The following SLC43A2 variants were observed in gnomAD, a reference collection of about 807,000 sequenced individuals.
The protein encoded by SLC43A2 is solute carrier family 43 member 2, also known as large neutral amino acids transporter small subunit 4.
In SLC43A2, 38 loss-of-function variants were observed where a neutral mutation model predicts 63.2. That is an observed-to-expected ratio of 0.60 (90% CI 0.46 to 0.79). The LOEUF is 0.79. SLC43A2 is among the 30% of genes least tolerant of loss of function. The probability of loss-of-function intolerance (pLI) is 0.00; values close to 1 mark genes in which losing one functional copy is unlikely to be tolerated. For missense variants in SLC43A2, 644 were observed against 756.2 expected (o/e 0.85, Z 1.74); for synonymous variants, 322 against 331.0 (o/e 0.97, Z 0.30).
intron 5 of SLC43A2, among the ~76,000 whole-genome samples, chr17:1,611,543 G>A (rs1254178165): frequency 1.3e-5 from 2 of 151,560 alleles, no homozygotes; most frequent in South Asian, 2.1e-4. Flanking sequence ...GCTGAGGTAG[G>A]AGAATTGCCT....
At chr17:1,617,742 T>C (rs1159898068) in intron 2 of SLC43A2, among the ~76,000 whole-genome samples, 1 of 152,168 alleles carries the variant, frequency 6.6e-6, no homozygotes, top group Non-Finnish European at 1.5e-5. Context: ...TGCCATCCCG[T>C]GGCCATGCCT....
intron 2 of SLC43A2, among the ~76,000 whole-genome samples, chr17:1,624,648 T>C (rs2151083809): frequency 6.6e-6 from 1 of 152,220 alleles, no homozygotes; most frequent in Admixed American, 6.5e-5. Flanking sequence ...CCCAGCACTT[T>C]GGAAGGCTGA....
intron 5 of SLC43A2, among the ~76,000 whole-genome samples, chr17:1,600,154 T>TATATATATATA (rs1567630909): frequency 1.3e-3 from 37 of 28,982 alleles, no homozygotes; most frequent in African/African-American, 3.3e-3. Context: ...ATATATATAT[T>TATATATATATA]TTTTTTTTTT....
chr17:1,608,037 T>C (rs1211702711), intron 5 of SLC43A2, among the ~76,000 whole-genome samples: 1 of 152,096 alleles, frequency 6.6e-6, no homozygotes, highest in Admixed American at 6.6e-5. Flanking sequence ...CCTTTTGGGC[T>C]TTACAAGCCA....
chr17:1,586,948 C>T (rs1228758786), intron 9 of SLC43A2: 1 of 1,498,162 alleles, frequency 6.7e-7, no homozygotes, highest in Non-Finnish European at 9.0e-7. Flanking sequence ...CCCCCGCTTA[C>T]CCGTGGCCAT....
At chr17:1,594,946 C>A (rs1237806011) in intron 5 of SLC43A2, among the ~76,000 whole-genome samples, 2 of 151,914 alleles carry the variant, frequency 1.3e-5, no homozygotes, top group Non-Finnish European at 2.9e-5. Context: ...GCCTGCAATC[C>A]CAGAGTGCTG....
In SLC43A2 at chr17:1,570,653, A is replaced by C. The variant is rs985010753; in HGVS notation, c.*4951T>G. 6.7e-6 allele frequency: 1 copy of C among 149,996 alleles called. No homozygotes were observed. The highest frequency in any genetic ancestry group is 2.5e-5 in the African/African-American group (1 of 40,586). The allele number at this position is 149,996 out of a possible 1,614,324, so 9.3% of individuals were successfully genotyped here. On this transcript the variant is annotated 3_prime_UTR_variant, in exon 14 of 14. Coordinates refer to ENST00000301335, the MANE Select transcript of SLC43A2 (RefSeq NM_152346.3). ...AGGCGCCCGCCACTACGCCCGGCTA[A>C]TTTTTTGTATTTTTAGTAGAGACGG... is the stretch of plus-strand genomic sequence containing the variant.
In SLC43A2 at chr17:1,575,705, A is replaced by C. The variant is rs757739898; in HGVS notation, c.1609T>G (p.Cys537Gly). Residue 537 changes from cysteine (C) to glycine (G), a missense_variant, in exon 14 of 14, where the codon TGC becomes GGC. This residue lies in a region of SLC43A2 where 105 missense variants were observed against 101.7 expected (regional missense o/e 1.03). Coordinates refer to ENST00000301335, the MANE Select transcript of SLC43A2 (RefSeq NM_152346.3). ...TGCCGCTCCAGCTGGCGCCGGTAGCAGATCAGGTAGAGCGGGAGGCAGAAG... is the reference window on the plus strand; with the variant it reads ...TGCCGCTCCAGCTGGCGCCGGTAGCCGATCAGGTAGAGCGGGAGGCAGAAG... ...LGFCLPLYLI[C>G]YRRQLERQLQ... 6.2e-7 allele frequency: 1 copy of C among 1,614,014 alleles called. No individual in the cohort carries two copies. Among genetic ancestry groups the C allele is most frequent in the Non-Finnish European group, 8.5e-7 (1 of 1,180,004 alleles).
intron 13 of SLC43A2, among the ~76,000 whole-genome samples, chr17:1,576,011 G>T (rs1362086056): frequency 2.6e-5 from 4 of 151,438 alleles, no homozygotes; most frequent in African/African-American, 7.3e-5. Context: ...CTTGGAACAA[G>T]TTCCTGGTAC....
intron 5 of SLC43A2, among the ~76,000 whole-genome samples, chr17:1,600,300 G>T (rs1249070556): frequency 7.0e-6 from 1 of 141,992 alleles, no homozygotes; most frequent in Non-Finnish European, 1.5e-5. Flanking sequence ...ACAGGTGCCT[G>T]CCACGACGCC....
At chr17:1,599,985 A>G (rs1340543803) in intron 5 of SLC43A2, among the ~76,000 whole-genome samples, 1 of 147,582 alleles carries the variant, frequency 6.8e-6, no homozygotes, top group Non-Finnish European at 1.5e-5. Context: ...CAGAGCTTGC[A>G]GTGAGCTGAG....
chr17:1,586,822 T>G, intron 9 of SLC43A2: 1 of 969,896 alleles, frequency 1.0e-6, no homozygotes, highest in Non-Finnish European at 1.4e-6. Flanking sequence ...TGCCCCAGTT[T>G]TACCCCCACG....
At chr17:1,614,271 T>C (rs1246080109) in intron 4 of SLC43A2, among the ~76,000 whole-genome samples, 1 of 151,304 alleles carries the variant, frequency 6.6e-6, no homozygotes, top group East Asian at 1.9e-4. Flanking sequence ...ATTAGCTAGC[T>C]GTGTGTGTGC....
intron 10 of SLC43A2, chr17:1,585,351 C>T (rs2076085416): frequency 8.9e-6 from 5 of 559,946 alleles, no homozygotes; most frequent in African/African-American, 2.0e-5. Flanking sequence ...AAGCAATTCT[C>T]GCGCCTCAGC....
At chr17:1,588,420 G>A (rs968082154) in intron 9 of SLC43A2, among the ~76,000 whole-genome samples, 15 of 151,854 alleles carry the variant, frequency 9.9e-5, no homozygotes, top group African/African-American at 3.4e-4. Flanking sequence ...GCTGGGCATT[G>A]TGGCTCATGC....
intron 9 of SLC43A2, among the ~76,000 whole-genome samples, chr17:1,589,940 G>A (rs1904592253): frequency 6.6e-6 from 1 of 152,162 alleles, no homozygotes; most frequent in South Asian, 2.1e-4. Context: ...TTTCACAGTA[G>A]AACTGGCTGT....
intron 11 of SLC43A2, among the ~76,000 whole-genome samples, chr17:1,581,555 G>A (rs1373621839): frequency 6.6e-6 from 1 of 152,196 alleles, no homozygotes; most frequent in Non-Finnish European, 1.5e-5. Flanking sequence ...CTGTAAAAAG[G>A]GAGGGACTCT....
chr17:1,612,946 T>TG (rs1170922087), intron 5 of SLC43A2, among the ~76,000 whole-genome samples: 15 of 149,318 alleles, frequency 1.0e-4, no homozygotes, highest in Admixed American at 8.7e-4. Context: ...CACTCCAGCC[T>TG]GGGCGACAGA....
intron 11 of SLC43A2, among the ~76,000 whole-genome samples, chr17:1,581,857 G>A (rs2076020094): frequency 1.3e-5 from 2 of 150,968 alleles, no homozygotes; most frequent in South Asian, 4.2e-4. Context: ...CCAGGCTGGA[G>A]TGCAGTGGCG....
Sources: gnomAD v4.1 joint callset for allele counts (sites outside exome capture counted in the v4.1 genomes callset) on GRCh38, gnomAD v4.1.1 for gene constraint, gnomAD v4.1.1 regional missense constraint, MANE v1.5 for transcripts, NCBI Gene and HGNC (gene_info 2026-07-23, HGNC 2026-07-21) for gene names.